The following SVIL variants were observed in gnomAD, a reference collection of about 807,000 sequenced individuals.
The protein encoded by SVIL is archvillin.
A neutral mutation model predicts 240.4 loss-of-function variants in SVIL; 101 were observed. That is an observed-to-expected ratio of 0.42 (90% confidence interval 0.36 to 0.50). The LOEUF (loss-of-function observed/expected upper bound fraction) is 0.50, where lower values mean the gene tolerates loss of function less well. Among genes scored for constraint, SVIL ranks in the 20% least tolerant of loss-of-function variants. SVIL has a pLI of 0.01. For synonymous variants in SVIL, 999 were observed against 1,100.0 expected, an observed-to-expected ratio of 0.91 and a Z score of 1.82; for missense variants, 2,512 against 2,818.7, an observed-to-expected ratio of 0.89 and a Z score of 2.46.
chr10:29,551,296 A>G (rs1177640920), intron 5 of SVIL, 33 bp from the exon 6 acceptor site: 1 of 1,535,170 alleles, frequency 6.5e-7, no homozygotes, highest in African/African-American at 1.4e-5. Context: ...AGAGGTGCAG[A>G]TTTCAAGTAA....
At chr10:29,645,903 T>C (rs1162359860) in intron 3 of SVIL, among the ~76,000 whole-genome samples, 2 of 152,070 alleles carry the variant, frequency 1.3e-5, no homozygotes, top group Non-Finnish European at 2.9e-5. Context: ...AGAGAGAAAA[T>C]AAATAAGCAA....
intron 16 of SVIL, among the ~76,000 whole-genome samples, chr10:29,520,599 G>A (rs997852136): frequency 1.3e-5 from 2 of 152,188 alleles, no homozygotes; most frequent in African/African-American, 4.8e-5. Flanking sequence ...TAATGTTCAA[G>A]AAGCTTGGCT....
chr10:29,587,171 T>C (rs1041706287), intron 1 of SVIL, among the ~76,000 whole-genome samples: 12 of 152,344 alleles, frequency 7.9e-5, no homozygotes, highest in African/African-American at 1.9e-4. Flanking sequence ...CACCTCCCCC[T>C]GCAAACCTCC....
intron 30 of SVIL, 118 bp downstream of exon 30, chr10:29,473,720 G>C (rs1367171940): frequency 2.2e-5 from 30 of 1,370,596 alleles, no homozygotes; most frequent in Non-Finnish European, 2.6e-5. Flanking sequence ...GAAGTGCTTT[G>C]GGTGACGTGG....
intron 1 of SVIL, among the ~76,000 whole-genome samples, chr10:29,693,209 G>A (rs753634678): frequency 3.3e-5 from 5 of 151,900 alleles, no homozygotes; most frequent in Admixed American, 6.6e-5. Flanking sequence ...AACTTGCCCA[G>A]GTGTTAGAGA....
At chr10:29,712,741 C>T (rs1457671268) in intron 1 of SVIL, among the ~76,000 whole-genome samples, 1 of 152,106 alleles carries the variant, frequency 6.6e-6, no homozygotes, top group Non-Finnish European at 1.5e-5. Context: ...AAAGACATAG[C>T]TGAGAAAAGC....
intron 16 of SVIL, among the ~76,000 whole-genome samples, chr10:29,515,653 C>T (rs1299718706): frequency 2.0e-5 from 3 of 152,174 alleles, no homozygotes; most frequent in Non-Finnish European, 4.4e-5. Flanking sequence ...TGAACATCCA[C>T]CTTGTTAATC....
chr10:29,549,772 A>C (rs1953066128), intron 6 of SVIL, among the ~76,000 whole-genome samples: 1 of 143,096 alleles, frequency 7.0e-6, no homozygotes, highest in Non-Finnish European at 1.5e-5. Flanking sequence ...TATCGCAAAA[A>C]CAAAAAACCA....
At chr10:29,583,848 C>A in intron 1 of SVIL, among the ~76,000 whole-genome samples, 1 of 152,166 alleles carries the variant, frequency 6.6e-6, no homozygotes, top group Admixed American at 6.5e-5. Flanking sequence ...TGAAATGACT[C>A]AAGACACGTT....
chr10:29,588,107 T>A (rs1564675681), intron 1 of SVIL, among the ~76,000 whole-genome samples: 1 of 151,676 alleles, frequency 6.6e-6, no homozygotes, highest in Non-Finnish European at 1.5e-5. Context: ...TCAGAAGGCA[T>A]CCCACCCACT....
intron 21 of SVIL, among the ~76,000 whole-genome samples, chr10:29,491,814 T>TA (rs1362732320): frequency 7.9e-5 from 12 of 152,224 alleles, no homozygotes; most frequent in Admixed American, 5.2e-4. Flanking sequence ...TACAACTACT[T>TA]AAACAGTGAC....
chr10:29,642,536 T>G (rs1958524331), intron 3 of SVIL, among the ~76,000 whole-genome samples: 1 of 152,204 alleles, frequency 6.6e-6, no homozygotes, highest in Non-Finnish European at 1.5e-5. Context: ...CTAGACATGG[T>G]CTCTGATTCC....
At chr10:29,519,058 AT>A (rs1233758040) in intron 16 of SVIL, among the ~76,000 whole-genome samples, 14 of 152,172 alleles carry the variant, frequency 9.2e-5, no homozygotes, top group Admixed American at 6.5e-4. Context: ...GATGAAGGAA[AT>A]CTGCAAATTC....
chr10:29,495,853 A>T (rs543911538), intron 18 of SVIL, among the ~76,000 whole-genome samples: 1 of 152,364 alleles, frequency 6.6e-6, no homozygotes, highest in South Asian at 2.1e-4. Flanking sequence ...GAATTCCTGC[A>T]TGGAGAAAGT....
At chr10:29,479,381 C>T (rs1432297555) in intron 29 of SVIL, among the ~76,000 whole-genome samples, 1 of 152,136 alleles carries the variant, frequency 6.6e-6, no homozygotes, top group East Asian at 1.9e-4. Context: ...AAAATTAGCA[C>T]CACAACAGAA....
intron 16 of SVIL, among the ~76,000 whole-genome samples, chr10:29,519,233 G>A (rs1260067567): frequency 6.6e-6 from 1 of 152,144 alleles, no homozygotes; most frequent in Non-Finnish European, 1.5e-5. Flanking sequence ...TATTCTCCTG[G>A]TTAGAGCACA....
intron 1 of SVIL, among the ~76,000 whole-genome samples, chr10:29,610,994 A>G (rs1478909278): frequency 3.3e-5 from 5 of 152,162 alleles, no homozygotes; most frequent in Non-Finnish European, 7.3e-5. Context: ...CAGAGCCATC[A>G]GCTACTTCAT....
chr10:29,562,085 G>C (rs1193266370), intron 3 of SVIL, among the ~76,000 whole-genome samples: 1 of 152,052 alleles, frequency 6.6e-6, no homozygotes, highest in Admixed American at 6.6e-5. Context: ...TACGTTTTTT[G>C]TTCTAATTTC....
At chr10:29,593,429 C>T (rs1248237178) in intron 1 of SVIL, among the ~76,000 whole-genome samples, 1 of 152,164 alleles carries the variant, frequency 6.6e-6, no homozygotes. Context: ...CCCATCTGCC[C>T]ATCAGGAAGA....
Sources: gnomAD v4.1 joint callset for allele counts (sites outside exome capture counted in the v4.1 genomes callset) on GRCh38, gnomAD v4.1.1 for gene constraint, MANE v1.5 for transcripts, NCBI Gene and HGNC (gene_info 2026-07-23, HGNC 2026-07-21) for gene names.